Variants in C1orf146 observed in about 807,000 individuals in gnomAD.
C1orf146 encodes the protein protein SPO16 homolog.
Under a neutral mutation model 23.0 loss-of-function variants are expected in C1orf146, and 22 were observed. The observed-to-expected ratio is 0.96, with a 90% CI of 0.68 to 1.36. C1orf146 has a LOEUF of 1.36. Ranked by LOEUF, C1orf146 falls within the 40% of genes most tolerant of loss-of-function variation. C1orf146 has a pLI of 0.00. For synonymous variants in C1orf146, 59 were observed against 65.3 expected, an observed-to-expected ratio of 0.90 and a Z score of 0.47; for missense variants, 199 against 206.8, an observed-to-expected ratio of 0.96 and a Z score of 0.23.
intron 2 of C1orf146, among the ~76,000 whole-genome samples, chr1:92,234,655 T>G (rs1652228105): frequency 6.6e-6 from 1 of 152,248 alleles, no homozygotes; most frequent in Non-Finnish European, 1.5e-5. Context: ...TCCCTCTTTT[T>G]CTATTGATTG....
At chr1:92,222,505 CCCA>C (rs1651847918) in intron 1 of C1orf146, among the ~76,000 whole-genome samples, 1 of 149,258 alleles carries the variant, frequency 6.7e-6, no homozygotes, top group African/African-American at 2.5e-5. Flanking sequence ...CTTCTGTAAT[CCCA>C]CTTTTTTTCC....
At chr1:92,244,446 TTC>T (rs756245235) in intron 4 of C1orf146, 61 bp downstream of exon 4, 2 of 1,322,626 alleles carry the variant, frequency 1.5e-6, no homozygotes, top group Non-Finnish European at 2.1e-6. Context: ...CAGTTCTTAA[TTC>T]TTTTAGGTAA....
rs1374546479 is a variant in C1orf146, at chr1:92,244,854, A to C, written c.405A>C (p.Ala135=). 1.9e-6 allele frequency: 3 copies of C among 1,580,216 alleles called. No homozygotes were observed. Among genetic ancestry groups the C allele is most frequent in the Non-Finnish European group, 2.6e-6 (3 of 1,151,366 alleles). The change falls in exon 5 of 6, where the codon GCA becomes GCC. Residue 135 remains alanine (A), a synonymous_variant. Transcript: ENST00000370375. ...VNAINLMCTI[A]KTTSKPYIDS... ...CTATTAATCTTATGTGCACTATAGC[A>C]AAGGTGAGTCACCCGTGGAATATGA...
chr1:92,244,386 G>GTCCA lies in C1orf146; in HGVS notation c.329+2_329+3insCCAT. On this transcript the variant is annotated splice_donor_variant, in intron 4 of 5. Transcript: ENST00000370375. LOFTEE classifies it high-confidence loss of function. Reference sequence around the variant, plus strand: ...AACTGATGTTCAGGATTCAGCAGAGGTATGGAAGAATAGCATTATAGACTT... The same window carrying GTCCA: ...AACTGATGTTCAGGATTCAGCAGAGGTCCATATGGAAGAATAGCATTATAGACTT... 6.3e-7 allele frequency: 1 copy of GTCCA among 1,581,958 alleles called. No homozygotes were observed. The highest frequency in any genetic ancestry group is 8.5e-7 in the Non-Finnish European group (1 of 1,169,892).
intron 1 of C1orf146, among the ~76,000 whole-genome samples, chr1:92,225,865 A>G (rs1003580535): frequency 5.3e-5 from 8 of 152,080 alleles, no homozygotes; most frequent in Non-Finnish European, 8.8e-5. Context: ...TTTGCATGAT[A>G]TATCTTTTTC....
intron 1 of C1orf146, among the ~76,000 whole-genome samples, chr1:92,223,492 G>T (rs984476140): frequency 1.3e-5 from 2 of 152,014 alleles, no homozygotes; most frequent in Non-Finnish European, 2.9e-5. Context: ...GGGTTGTTTG[G>T]TTTTTTACTA....
intron 3 of C1orf146, among the ~76,000 whole-genome samples, chr1:92,242,964 G>T (rs1652465918): frequency 6.6e-6 from 1 of 152,146 alleles, no homozygotes. Flanking sequence ...ATTCAAAAAA[G>T]CTCCTAGAAT....
chr1:92,234,876 T>C (rs1017033016), intron 2 of C1orf146, among the ~76,000 whole-genome samples: 2 of 152,268 alleles, frequency 1.3e-5, no homozygotes, highest in African/African-American at 4.8e-5. Flanking sequence ...CCATTTATTC[T>C]AGATTTTCTA....
At chr1:92,218,981 G>T (rs149164810) in intron 1 of C1orf146, among the ~76,000 whole-genome samples, 50 of 152,212 alleles carry the variant, frequency 3.3e-4, no homozygotes, top group African/African-American at 1.1e-3. Flanking sequence ...CACTTATTGT[G>T]CACGTGATTA....
intron 3 of C1orf146, among the ~76,000 whole-genome samples, chr1:92,243,412 T>C (rs1652477816): frequency 6.6e-6 from 1 of 151,516 alleles, no homozygotes; most frequent in African/African-American, 2.4e-5. Flanking sequence ...AGTGGTGTGA[T>C]CTCAGCTCAC....
At chr1:92,229,815 T>C (rs1433107503) in intron 1 of C1orf146, among the ~76,000 whole-genome samples, 1 of 151,972 alleles carries the variant, frequency 6.6e-6, no homozygotes, top group Non-Finnish European at 1.5e-5. Flanking sequence ...AAAGAAATCC[T>C]ACAAATATAT....
intron 2 of C1orf146, among the ~76,000 whole-genome samples, chr1:92,234,131 G>C (rs531563520): frequency 7.2e-5 from 11 of 152,258 alleles, no homozygotes; most frequent in South Asian, 4.1e-4. Flanking sequence ...GCCCTGGCCA[G>C]AACTTCCAAC....
chr1:92,224,160 C>T (rs1445908249), intron 1 of C1orf146, among the ~76,000 whole-genome samples: 3 of 151,814 alleles, frequency 2.0e-5, no homozygotes, highest in Non-Finnish European at 4.4e-5. Context: ...ACACCATTCT[C>T]CTGCCTCAGC....
At chr1:92,226,372 T>C (rs1651967924) in intron 1 of C1orf146, among the ~76,000 whole-genome samples, 1 of 151,842 alleles carries the variant, frequency 6.6e-6, no homozygotes, top group Non-Finnish European at 1.5e-5. Context: ...TTCCTCCCGA[T>C]ATACTCACAT....
chr1:92,241,599 C>T (rs768596551), intron 2 of C1orf146, among the ~76,000 whole-genome samples: 2 of 152,148 alleles, frequency 1.3e-5, no homozygotes, highest in Non-Finnish European at 2.9e-5. Flanking sequence ...AGTGATTTTC[C>T]TGCCTCAGCC....
chr1:92,245,695 C>G lies in C1orf146; in HGVS notation c.*21C>G. On this transcript the variant is annotated 3_prime_UTR_variant, in exon 6 of 6. Coordinates refer to ENST00000370375, the MANE Select transcript of C1orf146 (RefSeq NM_001012425.2). ...ATTAGAGTACCAACTTAATGTTTTT[C>G]TCGAAGAATGTGAAAATAATTAGAC... is the stretch of plus-strand genomic sequence containing the variant. 1 of 1,479,688 alleles carries G rather than the reference C, an allele frequency of 6.8e-7. No homozygotes were observed. The highest frequency in any genetic ancestry group is 9.1e-7 in the Non-Finnish European group (1 of 1,101,508). The allele number at this position is 1,479,688 out of a possible 1,614,324, so 91.7% of individuals were successfully genotyped here.
At chr1:92,221,079 A>T (rs1651806585) in intron 1 of C1orf146, among the ~76,000 whole-genome samples, 1 of 152,200 alleles carries the variant, frequency 6.6e-6, no homozygotes, top group South Asian at 2.1e-4. Flanking sequence ...TTCATGGAAA[A>T]AGCAGGAATT....
chr1:92,244,512 A>C, intron 4 of C1orf146, 127 bp downstream of exon 4: 1 of 759,690 alleles, frequency 1.3e-6, no homozygotes, highest in East Asian at 2.8e-5. Flanking sequence ...AAATTTAATG[A>C]AACATGGGCC....
At chr1:92,231,535 C>A (rs1652120277) in intron 2 of C1orf146, 49 bp downstream of exon 2, 1 of 1,336,540 alleles carries the variant, frequency 7.5e-7, no homozygotes, top group Non-Finnish European at 1.1e-6. Context: ...AAATTAAAAG[C>A]AGCTTTCATA....
Sources: gnomAD v4.1 joint callset for allele counts (sites outside exome capture counted in the v4.1 genomes callset) on GRCh38, gnomAD v4.1.1 for gene constraint, MANE v1.5 for transcripts, NCBI Gene and HGNC (gene_info 2026-07-23, HGNC 2026-07-21) for gene names.